The following VPS35L variants were observed in gnomAD, a reference collection of about 807,000 sequenced individuals.
The protein encoded by VPS35L is VPS35 endosomal protein sorting factor like.
In VPS35L, 83 loss-of-function variants were observed where a neutral mutation model predicts 133.0. That is an observed-to-expected ratio of 0.62 (90% CI 0.52 to 0.75). The LOEUF (loss-of-function observed/expected upper bound fraction) is 0.75. VPS35L is among the 30% of genes least tolerant of loss of function. The probability of loss-of-function intolerance (pLI) is 0.00; values close to 1 mark genes in which losing one functional copy is unlikely to be tolerated. For synonymous variants in VPS35L, 423 were observed against 449.9 expected, an observed-to-expected ratio of 0.94 and a Z score of 0.76; for missense variants, 1,083 against 1,206.8, an observed-to-expected ratio of 0.90 and a Z score of 1.52.
intron 14 of VPS35L, among the ~76,000 whole-genome samples, chr16:19,621,813 T>C (rs1200142340): frequency 6.6e-6 from 1 of 152,238 alleles, no homozygotes; most frequent in African/African-American, 2.4e-5. Context: ...GTTATATTCT[T>C]GGATGCATTT....
chr16:19,569,656 T>C, intron 3 of VPS35L, 65 bp downstream of exon 3: 1 of 1,432,276 alleles, frequency 7.0e-7, no homozygotes, highest in Non-Finnish European at 9.2e-7. Context: ...ATGGGTGGTT[T>C]TCTTGTGCCC....
At chr16:19,577,406 G>A (rs573822304) in intron 5 of VPS35L, among the ~76,000 whole-genome samples, 2 of 152,136 alleles carry the variant, frequency 1.3e-5, no homozygotes, top group African/African-American at 2.4e-5. Context: ...GCACCAAGCC[G>A]TTCATGGTGG....
chr16:19,617,902 T>C (rs2054856789), intron 14 of VPS35L: 2 of 155,448 alleles, frequency 1.3e-5, no homozygotes, highest in African/African-American at 4.8e-5. Context: ...CAGGCCTGTC[T>C]TTTGTAAAGA....
At chr16:19,644,810 AC>A (rs1265501840) in intron 22 of VPS35L, 75 bp from the exon 23 acceptor site, 10 of 1,027,814 alleles carry the variant, frequency 9.7e-6, no homozygotes, top group African/African-American at 9.6e-5. Flanking sequence ...TAAATTACTT[AC>A]CCCTTGTGTA....
chr16:19,692,118 C>T (rs1241319670), intron 29 of VPS35L, among the ~76,000 whole-genome samples: 3 of 151,970 alleles, frequency 2.0e-5, no homozygotes, highest in African/African-American at 4.8e-5. Flanking sequence ...CCCTGTGATC[C>T]GCCTACCTCG....
At chr16:19,588,290 G>A (rs1455367986) in intron 7 of VPS35L, among the ~76,000 whole-genome samples, 1 of 151,894 alleles carries the variant, frequency 6.6e-6, no homozygotes, top group Non-Finnish European at 1.5e-5. Flanking sequence ...AGATTCAAGC[G>A]ATTCTCCCAC....
intron 24 of VPS35L, among the ~76,000 whole-genome samples, chr16:19,648,314 G>A (rs1225078712): frequency 1.3e-5 from 2 of 152,112 alleles, no homozygotes; most frequent in Non-Finnish European, 2.9e-5. Context: ...TCTATGGTAT[G>A]AAAGGTGGTT....
intron 9 of VPS35L, among the ~76,000 whole-genome samples, chr16:19,603,511 C>T (rs1436608630): frequency 6.6e-6 from 1 of 152,050 alleles, no homozygotes; most frequent in Non-Finnish European, 1.5e-5. Flanking sequence ...ATTAATTTCC[C>T]CAGTTTTTGA....
At chr16:19,657,681 C>T (rs1449554714) in intron 26 of VPS35L, among the ~76,000 whole-genome samples, 2 of 152,136 alleles carry the variant, frequency 1.3e-5, no homozygotes, top group Non-Finnish European at 2.9e-5. Flanking sequence ...CCCCTGGCTA[C>T]CACAAACTGT....
At chr16:19,560,633 T>C (rs1020804634) in intron 1 of VPS35L, among the ~76,000 whole-genome samples, 2 of 151,966 alleles carry the variant, frequency 1.3e-5, no homozygotes, top group African/African-American at 4.8e-5. Flanking sequence ...CCGTCTCTAC[T>C]AAAAATACAA....
At chr16:19,679,688 A>G (rs1293529478) in intron 27 of VPS35L, among the ~76,000 whole-genome samples, 1 of 151,936 alleles carries the variant, frequency 6.6e-6, no homozygotes, top group Non-Finnish European at 1.5e-5. Context: ...CATTTTTAGT[A>G]GAAACGGGGT....
chr16:19,587,281 CA>C, intron 7 of VPS35L: 1 of 442,354 alleles, frequency 2.3e-6, no homozygotes, highest in Non-Finnish European at 4.5e-6. Flanking sequence ...AACACAGAGC[CA>C]AACCATGTTA....
chr16:19,555,840 G>C, intron 1 of VPS35L, 94 bp downstream of exon 1: 1 of 1,480,964 alleles, frequency 6.8e-7, no homozygotes, highest in Non-Finnish European at 9.0e-7. Context: ...CCTCTCTGTC[G>C]GGTTCTGGTG....
Position 19,587,797 on chromosome 16 carries a change from C to CTTTTT in VPS35L, c.640-3977_640-3973dup, listed in dbSNP as rs775544331. On this transcript the variant is annotated intron_variant, in intron 7 of 30. Transcript: ENST00000417362. The stretch of plus-strand genomic sequence containing the variant: ...AATCCTTATGCCAGTTCCACATTGT[C>CTTTTT]TTTTTTTTTTTTTTTTTTTTGAGAC... 2.5e-5 allele frequency among the ~76,000 whole-genome samples: 3 copies of CTTTTT among 118,962 alleles called. 1 individual carries two copies. The highest frequency in any genetic ancestry group is 7.1e-5 in the African/African-American group (2 of 28,136). The allele number at this position is 118,962 out of a possible 152,430, so 78.0% of individuals were successfully genotyped here. A position where few individuals can be genotyped will look rare whatever the true frequency, so the allele number is the denominator to read the frequency against.
At chr16:19,578,365 C>T in intron 5 of VPS35L, 1 of 420,664 alleles carries the variant, frequency 2.4e-6, no homozygotes, top group Non-Finnish European at 4.6e-6. Flanking sequence ...CAGAGTAAGA[C>T]CCCATCTCAA....
At chr16:19,598,224 A>G (rs1485327524) in intron 8 of VPS35L, among the ~76,000 whole-genome samples, 1 of 152,140 alleles carries the variant, frequency 6.6e-6, no homozygotes, top group African/African-American at 2.4e-5. Context: ...AGGAAGTATA[A>G]TGTCTTTCCT....
At chr16:19,695,173 T>G (rs559740449) in intron 29 of VPS35L, among the ~76,000 whole-genome samples, 3 of 152,214 alleles carry the variant, frequency 2.0e-5, no homozygotes, top group Non-Finnish European at 4.4e-5. Context: ...CTTAGAACAA[T>G]GATGTGTGTT....
At chr16:19,628,775 AT>A in intron 17 of VPS35L, 22 bp downstream of exon 17, 1 of 951,524 alleles carries the variant, frequency 1.1e-6, no homozygotes, top group Non-Finnish European at 1.4e-6. Flanking sequence ...TTTTATTTTT[AT>A]TTTTATTTAT....
At chr16:19,692,379 T>C (rs1975724066) in intron 29 of VPS35L, among the ~76,000 whole-genome samples, 1 of 152,148 alleles carries the variant, frequency 6.6e-6, no homozygotes, top group African/African-American at 2.4e-5. Context: ...CTGTGAGATG[T>C]AGATGCTGTG....
Sources: gnomAD v4.1 joint callset for allele counts (sites outside exome capture counted in the v4.1 genomes callset) on GRCh38, gnomAD v4.1.1 for gene constraint, MANE v1.5 for transcripts, NCBI Gene and HGNC (gene_info 2026-07-23, HGNC 2026-07-21) for gene names.